The following C3 variants were observed in gnomAD, a reference collection of about 807,000 sequenced individuals.
C3 encodes the protein complement C3.
A neutral mutation model predicts 207.9 loss-of-function variants in C3; 97 were observed. The observed-to-expected ratio is 0.47, with a 90% CI of 0.40 to 0.55. The LOEUF (loss-of-function observed/expected upper bound fraction) is 0.55. C3 is among the 20% of genes least tolerant of loss of function. C3 has a pLI of 0.00. For synonymous variants in C3, 848 were observed against 857.6 expected (o/e 0.99, Z 0.20); for missense variants, 1,684 against 2,171.7 (o/e 0.78, Z 4.46).
intron 11 of C3, 54 bp from the exon 12 acceptor site, chr19:6,711,250 C>G (rs942671080): frequency 2.7e-6 from 4 of 1,463,824 alleles, no homozygotes; most frequent in Admixed American, 1.7e-5. Context: ...TACCCACACC[C>G]GAATCCCTGA....
intron 27 of C3, 143 bp from the exon 28 acceptor site, chr19:6,687,045 T>C (rs780161536): frequency 1.1e-5 from 10 of 900,980 alleles, no homozygotes; most frequent in Non-Finnish European, 1.8e-5. Context: ...TTTGAGAATT[T>C]CCCAGATATT....
rs1968083041 is a variant in C3, at chr19:6,718,176, CAA to C, written c.434-14_434-13del. On this transcript the variant is annotated splice_polypyrimidine_tract_variant and intron_variant, in intron 3 of 40. Coordinates refer to ENST00000245907, the MANE Select transcript of C3 (RefSeq NM_000064.4). Reference sequence around the variant, plus strand: ...GATCCGATAGAGAACTGGGGAGAGACAAAGAGGCCTCGTGAGACCCTAGCCCG... The same window carrying C: ...GATCCGATAGAGAACTGGGGAGAGACAGAGGCCTCGTGAGACCCTAGCCCG... The C allele has an allele frequency of 6.2e-7, 1 of 1,614,158 alleles. No individual in the cohort carries two copies.
intron 17 of C3, among the ~76,000 whole-genome samples, chr19:6,706,754 C>G (rs1441090393): frequency 3.4e-5 from 5 of 148,400 alleles, no homozygotes; most frequent in Non-Finnish European, 6.0e-5. Context: ...CTCCTCCCCC[C>G]TCAGACAGGT....
chr19:6,718,022 T>C, intron 4 of C3, 72 bp downstream of exon 4: 1 of 1,453,324 alleles, frequency 6.9e-7, no homozygotes, highest in Non-Finnish European at 9.7e-7. Flanking sequence ...TGTCTTTCTC[T>C]GTCTCTCTCG....
chr19:6,707,114 C>T lies in C3; in HGVS notation c.2207G>A (p.Arg736Gln), dbSNP rs578116271. Residue 736 changes from arginine (R) to glutamine (Q), a missense_variant, in exon 17 of 41, where the codon CGG becomes CAG. Arg to Gln is a conservative substitution (Grantham distance 43, BLOSUM62 1). Around this residue, in one of 3 missense-constraint regions of C3, gnomAD observed 1,280 missense variants for 1,739.1 expected, o/e 0.74. Coordinates refer to ENST00000245907, the MANE Select transcript of C3 (RefSeq NM_000064.4). ...DCCNYITELRRQHARASHLGL... is the reference protein window; with the variant it reads ...DCCNYITELRQQHARASHLGL... ...CAGGTGGCTGGCCCGCGCGTGCTGC[C>T]GCCGCAGCTCTGTGATGTAGTTGCA... is the stretch of plus-strand genomic sequence containing the variant. 4.8e-5 allele frequency: 78 copies of T among 1,613,238 alleles called. 1 individual carries two copies. The highest frequency in any genetic ancestry group is 4.7e-4 in the East Asian group (21 of 44,818).
intron 19 of C3, among the ~76,000 whole-genome samples, chr19:6,700,687 A>G (rs1286099018): frequency 3.2e-5 from 2 of 62,802 alleles, no homozygotes; most frequent in Non-Finnish European, 5.4e-5. Context: ...TATATAATAT[A>G]TGATATATTA....
chr19:6,711,003 C>A lies in C3; in HGVS notation c.1463G>T (p.Arg488Leu). The change falls in exon 12 of 41, where the codon CGC (arginine) becomes CTC (leucine). Residue 488 changes from arginine to leucine, a missense_variant. Arg to Leu is a moderately radical substitution (Grantham distance 102). Around this residue, in one of 3 missense-constraint regions of C3, gnomAD observed 1,280 missense variants for 1,739.1 expected, o/e 0.74. Coordinates refer to ENST00000245907, the MANE Select transcript of C3 (RefSeq NM_000064.4). Reference sequence around the variant, plus strand: ...GCCACGGACCAGGTAGGTGTAGTAGCGGATCTTGGCCTCGTGGGCGCGGTC... The same window carrying A: ...GCCACGGACCAGGTAGGTGTAGTAGAGGATCTTGGCCTCGTGGGCGCGGTC... The part of the protein sequence containing the change: ...RMDRAHEAKI[R>L]YYTYLIMNKG... 2 of 1,614,070 alleles carry A rather than the reference C, an allele frequency of 1.2e-6. No homozygotes were observed. The highest frequency in any genetic ancestry group is 4.5e-5 in the East Asian group (2 of 44,870).
At position 6,712,316 on chromosome 19, in the gene C3, C is replaced by T. The variant is rs771261804; in HGVS notation, c.1210G>A (p.Asp404Asn). 6.2e-7 allele frequency: 1 copy of T among 1,614,070 alleles called. No individual in the cohort carries two copies. The highest frequency in any genetic ancestry group is 1.3e-5 in the African/African-American group (1 of 74,940). ...TTGATGCTGAGTTTGGCCACGCCATCTCCCTGGGTTAGAGACTGCACAGTG... is the reference window on the plus strand; with the variant it reads ...TTGATGCTGAGTTTGGCCACGCCATTTCCCTGGGTTAGAGACTGCACAGTG... Reference protein sequence around the residue: ...EDTVQSLTQGDGVAKLSINTH... With the variant: ...EDTVQSLTQGNGVAKLSINTH... The change falls in exon 11 of 41, where the codon GAT becomes AAT. Residue 404 changes from aspartate (D) to asparagine (N), a missense_variant. Coordinates refer to ENST00000245907, the MANE Select transcript of C3 (RefSeq NM_000064.4).
rs547013072 is a variant in C3, at chr19:6,705,637, G to C, written c.2245+1439C>G. Among the ~76,000 whole-genome samples the C allele has an allele frequency of 6.7e-5, 10 of 148,184 alleles. No homozygotes were observed. In the South Asian group the frequency reaches 2.2e-3, roughly 32 times the overall value. ...GTGGGCATTACAGGTGTGAGCCACC[G>C]TGCCCGGCCAATTTTCTTTTTCCTT... is the stretch of plus-strand genomic sequence containing the variant. On this transcript the variant is annotated intron_variant, in intron 17 of 40. Coordinates refer to ENST00000245907, the MANE Select transcript of C3 (RefSeq NM_000064.4).
intron 17 of C3, among the ~76,000 whole-genome samples, chr19:6,706,505 T>A (rs1013660217): frequency 2.0e-5 from 3 of 152,022 alleles, no homozygotes; most frequent in South Asian, 2.1e-4. Context: ...GATCCTCCCC[T>A]CTTCAGACCT....
At chr19:6,679,372 T>G in intron 37 of C3, 35 bp downstream of exon 37, 1 of 1,562,702 alleles carries the variant, frequency 6.4e-7, no homozygotes, top group South Asian at 1.1e-5. Context: ...TGTGGCTTGC[T>G]CAGACCCACC....
At chr19:6,689,292 A>ACAGT (rs1451605182) in intron 27 of C3, among the ~76,000 whole-genome samples, 2 of 91,510 alleles carry the variant, frequency 2.2e-5, no homozygotes, top group Non-Finnish European at 4.6e-5. Context: ...GTCTGACCCC[A>ACAGT]CCTCTCCTCT....
At chr19:6,712,769 T>A (rs1390194088) in intron 9 of C3, 146 bp from the exon 10 acceptor site, 1 of 737,914 alleles carries the variant, frequency 1.4e-6, no homozygotes, top group Non-Finnish European at 2.4e-6. Context: ...CCCATCAGAC[T>A]GGACTCCACC....
intron 26 of C3, among the ~76,000 whole-genome samples, chr19:6,691,102 G>T (rs1918155905): frequency 6.9e-6 from 1 of 145,698 alleles, no homozygotes; most frequent in South Asian, 2.1e-4. Context: ...TGCCCAGGCT[G>T]GAGTGCAATG....
chr19:6,696,693 A>G (rs762071820), intron 21 of C3, 34 bp from the exon 22 acceptor site: 13 of 1,587,978 alleles, frequency 8.2e-6, no homozygotes, highest in Non-Finnish European at 1.1e-5. Flanking sequence ...GAGTCGTTGG[A>G]TGAATAAAAG....
At chr19:6,718,217 C>T (rs1470076525) in intron 3 of C3, 30 bp downstream of exon 3, 2 of 1,614,000 alleles carry the variant, frequency 1.2e-6, no homozygotes, top group African/African-American at 2.7e-5. Context: ...ACGCCGGTGC[C>T]CCGCCCTCTC....
At chr19:6,703,568 C>T (rs1002972787) in intron 17 of C3, among the ~76,000 whole-genome samples, 2 of 152,106 alleles carry the variant, frequency 1.3e-5, no homozygotes, top group African/African-American at 4.8e-5. Context: ...GATTATGCCA[C>T]TGCACTCCAG....
At chr19:6,708,513 A>ATTCCTCCT (rs906745213) in intron 14 of C3, among the ~76,000 whole-genome samples, 6 of 114,654 alleles carry the variant, frequency 5.2e-5, no homozygotes, top group African/African-American at 2.1e-4. Context: ...TCCTCCCTCC[A>ATTCCTCCT]TTCCTCCTTT....
intron 4 of C3, 184 bp downstream of exon 4, chr19:6,717,910 C>G (rs1394781510): frequency 5.8e-6 from 4 of 684,972 alleles, no homozygotes; most frequent in Non-Finnish European, 1.1e-5. Context: ...GTATTGTGTG[C>G]TGTGTGTGTG....
Sources: allele counts gnomAD v4.1 joint callset (sites outside exome capture counted in the v4.1 genomes callset), GRCh38; gene constraint gnomAD v4.1.1; regional missense constraint gnomAD v4.1.1; transcripts MANE v1.5; gene names NCBI Gene and HGNC (gene_info 2026-07-23, HGNC 2026-07-21).